The following CRYL1 variants were observed in gnomAD, a reference collection of about 807,000 sequenced individuals.
CRYL1 encodes the protein lambda-crystallin homolog.
In CRYL1, 29 loss-of-function variants were observed where a neutral mutation model predicts 36.6. That is an observed-to-expected ratio of 0.79 (90% CI 0.59 to 1.08). The LOEUF (loss-of-function observed/expected upper bound fraction) is 1.08. Ranked by LOEUF, CRYL1 falls within the 50% of genes least tolerant of loss-of-function variation. The probability of loss-of-function intolerance (pLI) is 0.00; values close to 1 mark genes in which losing one functional copy is unlikely to be tolerated. For missense variants in CRYL1, 411 were observed against 407.9 expected (o/e 1.01, Z -0.06); for synonymous variants, 152 against 151.5 (o/e 1.00, Z -0.02).
At chr13:20,501,933 T>C (rs1365676556) in intron 2 of CRYL1, among the ~76,000 whole-genome samples, 2 of 151,922 alleles carry the variant, frequency 1.3e-5, no homozygotes, top group Non-Finnish European at 2.9e-5. Context: ...TGCAAAAGAG[T>C]CAGAAGACAG....
chr13:20,427,642 G>A (rs1328096372), intron 5 of CRYL1, among the ~76,000 whole-genome samples: 1 of 150,744 alleles, frequency 6.6e-6, no homozygotes, highest in Non-Finnish European at 1.5e-5. Context: ...TTAATGCTCG[G>A]CTGCAGGTGT....
chr13:20,415,148 C>G lies in CRYL1; in HGVS notation c.634-1761G>C, dbSNP rs2031625952. Among the ~76,000 whole-genome samples, 1 of 152,190 alleles carries G rather than the reference C, an allele frequency of 6.6e-6. No homozygotes were observed. Among genetic ancestry groups the G allele is most frequent in the Non-Finnish European group, 1.5e-5 (1 of 68,010 alleles). ...CGCCCGCACCCGGCCCCAGTCCCTC[C>G]CAGGCTTGCGGGTAGAGCCTGTCTT... On this transcript the variant is annotated intron_variant, in intron 5 of 7. Transcript: ENST00000298248. This position sits in a 1 kb window ranked among gnomAD's most constrained non-coding sequence, Gnocchi z 4.1.
At chr13:20,510,857 G>C (rs912701488) in intron 2 of CRYL1, among the ~76,000 whole-genome samples, 9 of 151,554 alleles carry the variant, frequency 5.9e-5, no homozygotes, top group Non-Finnish European at 8.8e-5. Context: ...AGGCAAAAGG[G>C]TTTATTACGA....
intron 2 of CRYL1, among the ~76,000 whole-genome samples, chr13:20,508,870 A>AAAC (rs2033857250): frequency 7.0e-5 from 1 of 14,306 alleles, no homozygotes; most frequent in African/African-American, 1.2e-4. Context: ...AAAAAAAAAA[A>AAAC]AAAAACAAAA....
rs1010403512 is a variant in CRYL1, at chr13:20,525,569, T to C, written c.41+185A>G. ...GGGGCGCCTCCACCTGCCAAGCCCC[T>C]CCAGCCGCGCCTCTCCCCGAGCCCG... On this transcript the variant is annotated intron_variant, in intron 1 of 7. Transcript: ENST00000298248. This position sits in a 1 kb window ranked among gnomAD's most constrained non-coding sequence, Gnocchi z 4.3. Among the ~76,000 whole-genome samples the C allele has an allele frequency of 6.6e-6, 1 of 151,732 alleles. No homozygotes were observed. The highest frequency in any genetic ancestry group is 1.5e-5 in the Non-Finnish European group (1 of 67,896).
chr13:20,445,776 T>C (rs1246530438), intron 3 of CRYL1, among the ~76,000 whole-genome samples: 1 of 152,202 alleles, frequency 6.6e-6, no homozygotes, highest in Non-Finnish European at 1.5e-5. Context: ...AGTAAAACTA[T>C]GACAAAAATC....
chr13:20,432,744 G>A (rs1388096960), intron 4 of CRYL1, among the ~76,000 whole-genome samples: 2 of 152,116 alleles, frequency 1.3e-5, no homozygotes, highest in Non-Finnish European at 2.9e-5. Context: ...CAAGCTGGGT[G>A]CGGTGGCTCA....
chr13:20,477,907 A>C (rs1005934791), intron 3 of CRYL1, among the ~76,000 whole-genome samples: 1 of 146,392 alleles, frequency 6.8e-6, no homozygotes, highest in Non-Finnish European at 1.5e-5. Context: ...ATACTACCAT[A>C]TGTATTATAG....
chr13:20,404,152 T>A lies in CRYL1; in HGVS notation c.937A>T (p.Lys313Ter), dbSNP rs1322245121. ...ATTCACTGGGGCTGCACTTGACTCT[T>A]CAACTTGGCGAGTCTCATGAGGCAC... is the stretch of plus-strand genomic sequence containing the variant. ...DECLMRLAKLKSQVQPQ is the reference protein window; with the variant it reads ...DECLMRLAKL The change falls in exon 8 of 8, where the codon AAG becomes TAG. Residue 313 changes from lysine to a stop codon, truncating the protein, a stop_gained. Coordinates refer to ENST00000298248, the MANE Select transcript of CRYL1 (RefSeq NM_015974.3). LOFTEE classifies it high-confidence loss of function. The A allele has an allele frequency of 6.2e-7, 1 of 1,613,794 alleles. No homozygotes were observed. Among genetic ancestry groups the A allele is most frequent in the East Asian group, 2.2e-5 (1 of 44,876 alleles).
At chr13:20,480,895 C>A (rs1448827500) in intron 3 of CRYL1, among the ~76,000 whole-genome samples, 1 of 152,110 alleles carries the variant, frequency 6.6e-6, no homozygotes, top group African/African-American at 2.4e-5. Context: ...TACATAATTA[C>A]AGATTAAGAG....
intron 5 of CRYL1, among the ~76,000 whole-genome samples, chr13:20,422,604 C>T (rs1284710880): frequency 6.6e-6 from 1 of 152,202 alleles, no homozygotes; most frequent in Non-Finnish European, 1.5e-5. Flanking sequence ...ACACGGGTGG[C>T]ATGCAGCTTC....
chr13:20,503,136 A>G (rs2033732922), intron 2 of CRYL1, among the ~76,000 whole-genome samples: 1 of 152,248 alleles, frequency 6.6e-6, no homozygotes, highest in African/African-American at 2.4e-5. Context: ...TGACTTTTAC[A>G]AATCAGATAA....
chr13:20,426,603 G>A (rs2031939325), intron 5 of CRYL1: 1 of 698,170 alleles, frequency 1.4e-6, no homozygotes, highest in Non-Finnish European at 1.8e-6. Flanking sequence ...CACACATAGA[G>A]ACACACAGAG....
intron 4 of CRYL1, among the ~76,000 whole-genome samples, chr13:20,433,574 T>C (rs1485175309): frequency 6.6e-6 from 1 of 152,192 alleles, no homozygotes; most frequent in East Asian, 1.9e-4. Flanking sequence ...TGTTTCCAAA[T>C]AGACAGATGG....
chr13:20,472,588 G>A (rs964539977), intron 3 of CRYL1, among the ~76,000 whole-genome samples: 1 of 152,084 alleles, frequency 6.6e-6, no homozygotes, highest in African/African-American at 2.4e-5. Context: ...CCCTCCTAAC[G>A]TACGGGCAAG....
chr13:20,430,573 G>A (rs1009994786), intron 5 of CRYL1: 1 of 985,262 alleles, frequency 1.0e-6, no homozygotes, highest in African/African-American at 1.7e-5. Flanking sequence ...TCCTCCAGCA[G>A]CAAAAGGAAA....
In CRYL1 at chr13:20,404,008, A is replaced by G; in HGVS notation, c.*121T>C. The G allele has an allele frequency of 1.4e-6, 1 of 710,910 alleles. No homozygotes were observed. Among genetic ancestry groups the G allele is most frequent in the Non-Finnish European group, 2.5e-6 (1 of 406,396 alleles). 44.0% of individuals were successfully genotyped at this position (710,910 alleles called of 1,614,324 possible). A position where few individuals can be genotyped will look rare whatever the true frequency, so the allele number is the denominator to read the frequency against. ...GCACCACCCCACTCAGGCTGCACAC[A>G]AGACAGCCAGCTTAGGATCTCCGTG... On this transcript the variant is annotated 3_prime_UTR_variant, in exon 8 of 8. Coordinates refer to ENST00000298248, the MANE Select transcript of CRYL1 (RefSeq NM_015974.3).
intron 6 of CRYL1, among the ~76,000 whole-genome samples, chr13:20,405,235 T>G (rs375379877): frequency 1.3e-5 from 2 of 151,446 alleles, no homozygotes; most frequent in African/African-American, 4.9e-5. Flanking sequence ...CGCGCCACTG[T>G]ACTCCGGCCT....
intron 5 of CRYL1, among the ~76,000 whole-genome samples, chr13:20,423,727 G>A (rs1340680708): frequency 6.7e-6 from 1 of 149,934 alleles, no homozygotes; most frequent in African/African-American, 2.5e-5. Flanking sequence ...TCTCTCGGTG[G>A]ACACTGAGTA....
Sources: gnomAD v4.1 joint callset for allele counts (sites outside exome capture counted in the v4.1 genomes callset) on GRCh38, gnomAD v4.1.1 for gene constraint, Gnocchi (gnomAD v3.1) non-coding constraint, MANE v1.5 for transcripts, NCBI Gene and HGNC (gene_info 2026-07-23, HGNC 2026-07-21) for gene names.